The following TBC1D32 variants were observed in gnomAD, a reference collection of about 807,000 sequenced individuals.
The protein encoded by TBC1D32 is TBC1 domain family member 32, also known as protein broad-minded.
Under a neutral mutation model 170.3 loss-of-function variants are expected in TBC1D32, and 151 were observed. That is an observed-to-expected ratio of 0.89 (90% CI 0.78 to 1.01). The LOEUF is 1.01. Among genes scored for constraint, TBC1D32 ranks in the 50% least tolerant of loss-of-function variants. The probability of loss-of-function intolerance (pLI) is 0.00; values close to 1 mark genes in which losing one functional copy is unlikely to be tolerated. For missense variants in TBC1D32, 1,464 were observed against 1,457.1 expected (o/e 1.00, Z -0.08); for synonymous variants, 498 against 488.0 (o/e 1.02, Z -0.27).
intron 18 of TBC1D32, 72 bp from the exon 19 acceptor site, chr6:121,241,624 A>T: frequency 7.8e-7 from 1 of 1,275,616 alleles, no homozygotes; most frequent in South Asian, 1.2e-5. Flanking sequence ...TTCCTTCAAG[A>T]TGGTAAGAAC....
intron 9 of TBC1D32, 98 bp downstream of exon 9, chr6:121,303,519 G>A (rs1231585070): frequency 3.0e-6 from 3 of 1,015,088 alleles, no homozygotes; most frequent in Non-Finnish European, 3.9e-6. Context: ...ATGTAAAAGT[G>A]ATTAGAACTC....
intron 10 of TBC1D32, among the ~76,000 whole-genome samples, chr6:121,297,606 T>C (rs1480142894): frequency 6.6e-6 from 1 of 152,084 alleles, no homozygotes; most frequent in Non-Finnish European, 1.5e-5. Flanking sequence ...ACAAAGACTA[T>C]CTTAACTTTT....
rs544711871 is a variant in TBC1D32, at chr6:121,079,914, T to A, written c.*857A>T. The A allele has an allele frequency of 1.3e-5, 2 of 152,310 alleles. No homozygotes were observed. The highest frequency in any genetic ancestry group is 3.9e-4 in the East Asian group (2 of 5,176). 9.4% of individuals were successfully genotyped at this position (152,310 alleles called of 1,614,324 possible). A position where few individuals can be genotyped will look rare whatever the true frequency, so the allele number is the denominator to read the frequency against. On this transcript the variant is annotated 3_prime_UTR_variant, in exon 32 of 32. Transcript: ENST00000398212. ...AGACTTCATTTCAAACAAAGAATTA[T>A]AAATTGATATGGGTATCAAAAGCAA...
chr6:121,143,865 G>C (rs1273745), intron 24 of TBC1D32, among the ~76,000 whole-genome samples: 27,835 of 151,634 alleles, frequency 0.18, 3,423 homozygotes, highest in African/African-American at 0.33. Flanking sequence ...ACTCTCTTAG[G>C]TACAAAATGA....
At chr6:121,301,010 G>A (rs1806384515) in intron 9 of TBC1D32, among the ~76,000 whole-genome samples, 1 of 152,174 alleles carries the variant, frequency 6.6e-6, no homozygotes. Context: ...ACATCAGTTA[G>A]AATGGTGATC....
intron 30 of TBC1D32, among the ~76,000 whole-genome samples, chr6:121,103,111 T>A (rs1015644435): frequency 2.6e-5 from 4 of 151,948 alleles, no homozygotes; most frequent in African/African-American, 9.7e-5. Flanking sequence ...TGTGGAGAAA[T>A]AGGAACACTT....
intron 21 of TBC1D32, among the ~76,000 whole-genome samples, chr6:121,223,019 A>G (rs1321474718): frequency 6.6e-6 from 1 of 152,184 alleles, no homozygotes; most frequent in Non-Finnish European, 1.5e-5. Context: ...TTAGCCTTGT[A>G]TTCTGATAGG....
chr6:121,198,236 A>ATATATATTAT (rs1252448687), intron 22 of TBC1D32, among the ~76,000 whole-genome samples: 1 of 129,570 alleles, frequency 7.7e-6, no homozygotes, highest in African/African-American at 3.1e-5. Flanking sequence ...AATATATATA[A>ATATATATTAT]ATATATATAT....
intron 20 of TBC1D32, chr6:121,237,153 T>C (rs1470503791): frequency 1.3e-5 from 2 of 152,088 alleles, no homozygotes; most frequent in Non-Finnish European, 2.9e-5. Flanking sequence ...TTTAACTATA[T>C]GTAGAATTCT....
At chr6:121,194,897 G>A (rs1457781666) in intron 22 of TBC1D32, among the ~76,000 whole-genome samples, 1 of 152,208 alleles carries the variant, frequency 6.6e-6, no homozygotes, top group East Asian at 1.9e-4. Flanking sequence ...TTATTGCTGA[G>A]ACATATGTCT....
In TBC1D32 at chr6:121,329,550, G is replaced by A. The variant is rs967412983; in HGVS notation, c.155+4726C>T. Among the ~76,000 whole-genome samples the A allele has an allele frequency of 2.0e-5, 3 of 152,102 alleles. No individual in the cohort carries two copies. In the South Asian group the frequency reaches 6.2e-4, roughly 32 times the overall value. ...ACCTGTAATCTTAGCTACTTGGGAGGCTGAGGCAAGAGAATCACTTGAACC... is the reference window on the plus strand; with the variant it reads ...ACCTGTAATCTTAGCTACTTGGGAGACTGAGGCAAGAGAATCACTTGAACC... On this transcript the variant is annotated intron_variant, in intron 1 of 31. Coordinates refer to ENST00000398212, the MANE Select transcript of TBC1D32 (RefSeq NM_152730.6).
chr6:121,272,462 A>T (rs1801593267), intron 15 of TBC1D32, among the ~76,000 whole-genome samples: 1 of 152,336 alleles, frequency 6.6e-6, no homozygotes, highest in South Asian at 2.1e-4. Flanking sequence ...ATGAATAGAC[A>T]CTTATCAAAA....
At chr6:121,129,983 C>A in intron 25 of TBC1D32, 2 of 408,658 alleles carry the variant, frequency 4.9e-6, no homozygotes, top group South Asian at 1.8e-5. Context: ...TAAAAAGAAA[C>A]TTAAATATAA....
chr6:121,183,659 C>A (rs1258803567), intron 22 of TBC1D32, among the ~76,000 whole-genome samples: 2 of 152,034 alleles, frequency 1.3e-5, no homozygotes, highest in African/African-American at 4.8e-5. Context: ...CTTCTCTTCC[C>A]TTTTTGTAAT....
chr6:121,263,596 C>CATT (rs1369102078), intron 15 of TBC1D32, among the ~76,000 whole-genome samples: 1 of 152,146 alleles, frequency 6.6e-6, no homozygotes, highest in African/African-American at 2.4e-5. Context: ...TCAAGAGGAC[C>CATT]TAATAGATAT....
At chr6:121,246,979 G>C (rs891517745) in intron 17 of TBC1D32, among the ~76,000 whole-genome samples, 2 of 151,894 alleles carry the variant, frequency 1.3e-5, no homozygotes, top group Non-Finnish European at 2.9e-5. Context: ...AGAACACCTG[G>C]AAAATTCATT....
At chr6:121,288,894 G>A (rs1033315541) in intron 12 of TBC1D32, among the ~76,000 whole-genome samples, 6 of 151,988 alleles carry the variant, frequency 3.9e-5, no homozygotes, top group South Asian at 2.1e-4. Context: ...CAGAACCAAC[G>A]ACAAAAACCA....
At chr6:121,154,882 C>A (rs777374635) in intron 24 of TBC1D32, among the ~76,000 whole-genome samples, 1 of 152,114 alleles carries the variant, frequency 6.6e-6, no homozygotes, top group African/African-American at 2.4e-5. Flanking sequence ...TGCACCAGTA[C>A]CATGCCATGT....
At chr6:121,331,230 G>A (rs1023993163) in intron 1 of TBC1D32, among the ~76,000 whole-genome samples, 19 of 151,970 alleles carry the variant, frequency 1.3e-4, no homozygotes, top group African/African-American at 3.6e-4. Context: ...TTTTTGAGAC[G>A]GAGTCTCTCT....
Sources: gnomAD v4.1 joint callset for allele counts (sites outside exome capture counted in the v4.1 genomes callset) on GRCh38, gnomAD v4.1.1 for gene constraint, MANE v1.5 for transcripts, NCBI Gene and HGNC (gene_info 2026-07-23, HGNC 2026-07-21) for gene names.